AFAP1: variants seen among roughly 807,000 people sequenced by gnomAD.
AFAP1 encodes the protein actin filament-associated protein 1.
Under a neutral mutation model 93.9 loss-of-function variants are expected in AFAP1, and 75 were observed. The observed-to-expected ratio is 0.80, with a 90% CI of 0.66 to 0.97. AFAP1 has a LOEUF of 0.97. Ranked by LOEUF, AFAP1 falls within the 50% of genes least tolerant of loss-of-function variation. The pLI, the probability that AFAP1 is intolerant of heterozygous loss-of-function variation, is 0.00. For missense variants in AFAP1, 1,201 were observed against 1,050.8 expected (o/e 1.14, Z -1.98); for synonymous variants, 517 against 430.7 (o/e 1.20, Z -2.48).
chr4:7,798,993 A>T, intron 10 of AFAP1: 3 of 986,258 alleles, frequency 3.0e-6, no homozygotes, highest in Non-Finnish European at 3.6e-6. Context: ...TCAAGAGTAC[A>T]GTTTCTTTAT....
At chr4:7,892,886 A>C (rs1718552181) in intron 1 of AFAP1, among the ~76,000 whole-genome samples, 1 of 152,150 alleles carries the variant, frequency 6.6e-6, no homozygotes, top group South Asian at 2.1e-4. Context: ...AGGCGGATGA[A>C]AATACCCTCC....
At position 7,759,760 on chromosome 4, in the gene AFAP1, T is replaced by C. The variant is rs1713521547; in HGVS notation, c.*4005A>G. 6.6e-6 allele frequency: 1 copy of C among 152,346 alleles called. No individual in the cohort carries two copies. The highest frequency in any genetic ancestry group is 1.5e-5 in the Non-Finnish European group (1 of 68,064). 9.4% of individuals were successfully genotyped at this position (152,346 alleles called of 1,614,324 possible). On this transcript the variant is annotated 3_prime_UTR_variant, in exon 18 of 18. Coordinates refer to ENST00000420658, the MANE Select transcript of AFAP1 (RefSeq NM_001134647.2). ...ATGCCTGGAGACCTCCAGTGCTGTG[T>C]TCCCAGAAGAGGCTGTTTCAAGGAT...
chr4:7,803,078 G>A (rs548094226), intron 9 of AFAP1, among the ~76,000 whole-genome samples: 7 of 152,286 alleles, frequency 4.6e-5, no homozygotes, highest in East Asian at 1.9e-4. Context: ...GCTGAAAGCC[G>A]ACACTTTTAC....
intron 3 of AFAP1, among the ~76,000 whole-genome samples, chr4:7,857,154 G>C (rs1715162409): frequency 6.6e-6 from 1 of 152,152 alleles, no homozygotes. Context: ...CACAAGGAAT[G>C]GAACAGAGCA....
intron 11 of AFAP1, among the ~76,000 whole-genome samples, chr4:7,791,620 G>A (rs1290782269): frequency 6.6e-6 from 1 of 151,806 alleles, no homozygotes; most frequent in African/African-American, 2.4e-5. Flanking sequence ...AAGACAGGAA[G>A]ATCACTTGAA....
intron 3 of AFAP1, 116 bp downstream of exon 3, chr4:7,868,506 C>G: frequency 1.2e-6 from 1 of 843,816 alleles, no homozygotes; most frequent in Non-Finnish European, 1.8e-6. Context: ...AGGAGTGCCT[C>G]GAGACAAATA....
intron 1 of AFAP1, among the ~76,000 whole-genome samples, chr4:7,892,211 G>A (rs541728721): frequency 1.3e-5 from 2 of 152,276 alleles, no homozygotes; most frequent in East Asian, 1.9e-4. Context: ...GGACAAAAGA[G>A]GCTCCGGCAC....
intron 17 of AFAP1, among the ~76,000 whole-genome samples, chr4:7,766,687 T>G (rs1227742366): frequency 6.6e-6 from 1 of 152,080 alleles, no homozygotes; most frequent in Non-Finnish European, 1.5e-5. Flanking sequence ...GCACGAAACC[T>G]GGAGCAGCCC....
intron 1 of AFAP1, among the ~76,000 whole-genome samples, chr4:7,894,352 C>T (rs994207077): frequency 1.3e-5 from 2 of 152,146 alleles, no homozygotes; most frequent in African/African-American, 4.8e-5. Context: ...ACAGAAAAAG[C>T]TTGCTTACCT....
At chr4:7,931,172 T>A (rs928862768) in intron 1 of AFAP1, among the ~76,000 whole-genome samples, 12 of 152,070 alleles carry the variant, frequency 7.9e-5, no homozygotes. Context: ...TTTCACACAA[T>A]CTAGAAGAAT....
intron 10 of AFAP1, among the ~76,000 whole-genome samples, chr4:7,797,867 C>CAT (rs142743031): frequency 0.015 from 2,261 of 152,032 alleles, 59 homozygotes; most frequent in African/African-American, 0.053. Context: ...TACACAAAGA[C>CAT]ATACAGACGT....
At chr4:7,911,220 C>T (rs1024296056) in intron 1 of AFAP1, among the ~76,000 whole-genome samples, 1 of 152,194 alleles carries the variant, frequency 6.6e-6, no homozygotes, top group South Asian at 2.1e-4. Context: ...TTTCTTCCCC[C>T]ACTCCCTGCA....
At chr4:7,837,874 C>T (rs956558970) in intron 6 of AFAP1, among the ~76,000 whole-genome samples, 3 of 151,994 alleles carry the variant, frequency 2.0e-5, no homozygotes, top group Non-Finnish European at 4.4e-5. Context: ...CAAAAACTAG[C>T]CAGGAATGGT....
chr4:7,817,855 A>T (rs185938772), intron 7 of AFAP1, among the ~76,000 whole-genome samples: 2 of 151,842 alleles, frequency 1.3e-5, no homozygotes, highest in African/African-American at 2.4e-5. Flanking sequence ...AGTGGTTAAT[A>T]TATCAGTAGT....
intron 10 of AFAP1, among the ~76,000 whole-genome samples, chr4:7,796,684 G>C (rs1209651620): frequency 2.0e-5 from 3 of 150,410 alleles, no homozygotes; most frequent in South Asian, 2.1e-4. Flanking sequence ...CCGGGAGACG[G>C]AGCTTGCAGT....
At chr4:7,812,628 G>A (rs2149057449) in intron 8 of AFAP1, among the ~76,000 whole-genome samples, 1 of 152,246 alleles carries the variant, frequency 6.6e-6, no homozygotes, top group Non-Finnish European at 1.5e-5. Context: ...CAGCTAGAGG[G>A]TAGAAAAGCT....
chr4:7,838,922 T>C (rs1041462051), intron 5 of AFAP1, among the ~76,000 whole-genome samples: 3 of 152,102 alleles, frequency 2.0e-5, no homozygotes, highest in African/African-American at 7.2e-5. Context: ...CATTCACTGA[T>C]TCAGAAAAAC....
intron 2 of AFAP1, among the ~76,000 whole-genome samples, chr4:7,869,123 A>G (rs1716780157): frequency 6.6e-6 from 1 of 151,924 alleles, no homozygotes; most frequent in Non-Finnish European, 1.5e-5. Context: ...AACGGAAAGA[A>G]AAGAGAAAAA....
At chr4:7,811,253 G>A (rs1560173658) in intron 8 of AFAP1, among the ~76,000 whole-genome samples, 1 of 145,516 alleles carries the variant, frequency 6.9e-6, no homozygotes, top group Non-Finnish European at 1.5e-5. Context: ...CCCTCAACCC[G>A]CTGGCTGCGG....
Sources: allele counts gnomAD v4.1 joint callset (sites outside exome capture counted in the v4.1 genomes callset), GRCh38; gene constraint gnomAD v4.1.1; transcripts MANE v1.5; gene names NCBI Gene and HGNC (gene_info 2026-07-23, HGNC 2026-07-21).